Variants in DPH6 observed in about 807,000 individuals in gnomAD.
The protein encoded by DPH6 is diphthine--ammonia ligase.
In DPH6, 33 loss-of-function variants were observed where a neutral mutation model predicts 38.2. The observed-to-expected ratio is 0.86, with a 90% CI of 0.65 to 1.15. The LOEUF (loss-of-function observed/expected upper bound fraction) is 1.15, where lower values mean the gene tolerates loss of function less well. DPH6 is among the 50% of genes most tolerant of loss of function. The pLI is 0.00. For synonymous variants in DPH6, 108 were observed against 103.0 expected, an observed-to-expected ratio of 1.05 and a Z score of -0.30; for missense variants, 325 against 320.0, an observed-to-expected ratio of 1.02 and a Z score of -0.12.
At chr15:35,337,661 C>G (rs2052384338) in intron 3 of DPH6, among the ~76,000 whole-genome samples, 1 of 152,230 alleles carries the variant, frequency 6.6e-6, no homozygotes, top group African/African-American at 2.4e-5. Context: ...TGACTTTCTT[C>G]ACAGAATTGG....
downstream of DPH6, among the ~76,000 whole-genome samples, chr15:35,366,768 A>G (rs958721200): frequency 1.6e-4 from 25 of 151,966 alleles, no homozygotes; most frequent in African/African-American, 6.0e-4. Context: ...CCATAACATC[A>G]GTTCAGGTTA....
At chr15:35,491,721 A>G (rs538008837) in intron 3 of DPH6, among the ~76,000 whole-genome samples, 1 of 82,198 alleles carries the variant, frequency 1.2e-5, no homozygotes, top group Admixed American at 1.5e-4. Context: ...ATATATGTAG[A>G]TGTATATATC....
chr15:35,467,038 A>C (rs1447082400), intron 3 of DPH6, among the ~76,000 whole-genome samples: 1 of 151,920 alleles, frequency 6.6e-6, no homozygotes, highest in Admixed American at 6.5e-5. Flanking sequence ...TTTTAGCTGC[A>C]CTAAATTTAT....
At chr15:35,526,028 C>A (rs1158243066) in intron 3 of DPH6, among the ~76,000 whole-genome samples, 1 of 151,998 alleles carries the variant, frequency 6.6e-6, no homozygotes, top group Admixed American at 6.6e-5. Context: ...GGATATATGA[C>A]CACTGAAAAT....
rs111481052 is a variant in DPH6, at chr15:35,311,082, A to AC, written n.200+62438_200+62439insG. On this transcript the variant is annotated intron_variant and non_coding_transcript_variant, in intron 3 of 3. Coordinates refer to the DPH6 transcript ENST00000560386. ...CTCAAAAACAACAACAACAACAACA[A>AC]AAAAAAAAACCCAAAAAAACCAGAT... Among the ~76,000 whole-genome samples the AC allele has an allele frequency of 3.9e-3, 573 of 148,184 alleles. 8 individuals are homozygous for AC. Among genetic ancestry groups the AC allele is most frequent in the African/African-American group, 0.012 (484 of 40,120 alleles).
intron 3 of DPH6, among the ~76,000 whole-genome samples, chr15:35,236,900 T>C (rs761742365): frequency 3.3e-5 from 5 of 152,192 alleles, no homozygotes; most frequent in African/African-American, 7.2e-5. Flanking sequence ...ACACTTTTAA[T>C]GTATTCTGTT....
chr15:35,437,749 C>T (rs975642914), intron 5 of DPH6, among the ~76,000 whole-genome samples: 3 of 152,208 alleles, frequency 2.0e-5, no homozygotes, highest in African/African-American at 7.2e-5. Flanking sequence ...GGCCAGCAAA[C>T]CAGTCAGTGG....
chr15:35,219,603 T>A (rs148761069), exon 4 of DPH6: 6 of 152,196 alleles, frequency 3.9e-5, no homozygotes, highest in Non-Finnish European at 7.4e-5. Context: ...TTTAGATTCA[T>A]AATGAGAAAT....
In DPH6 at chr15:35,509,594, T is replaced by C. The variant is rs553409485; in HGVS notation, c.312+28680A>G. Among the ~76,000 whole-genome samples, 5 of 152,290 alleles carry C rather than the reference T, an allele frequency of 3.3e-5. No individual in the cohort carries two copies. The East Asian group carries it at 5.8e-4, about 18-fold the overall frequency. On this transcript the variant is annotated intron_variant, in intron 3 of 8. Coordinates refer to ENST00000256538, the MANE Select transcript of DPH6 (RefSeq NM_080650.4). ...TGGCAAAACATAAGCTTTTTAAATG[T>C]AGGCTGACTAAAGAAAGGGCAATCT...
chr15:35,382,657 A>G (rs563231867), intron 6 of DPH6, among the ~76,000 whole-genome samples: 95 of 152,274 alleles, frequency 6.2e-4, no homozygotes, highest in African/African-American at 2.2e-3. Context: ...AAAAAGCAAT[A>G]TAAGGCCTTT....
chr15:35,483,047 GAATAT>G (rs1407283250), intron 3 of DPH6, among the ~76,000 whole-genome samples: 2 of 151,864 alleles, frequency 1.3e-5, no homozygotes, highest in Non-Finnish European at 2.9e-5. Flanking sequence ...AACCGAATAA[GAATAT>G]AAATCACTAA....
chr15:35,167,470 CATTCATA>C, the DPH6 span, among the ~76,000 whole-genome samples: 1 of 151,242 alleles, frequency 6.6e-6, no homozygotes, highest in Non-Finnish European at 1.5e-5. Flanking sequence ...AAAAGAACCG[CATTCATA>C]GAGCTAGAAA....
the DPH6 span, among the ~76,000 whole-genome samples, chr15:35,161,568 T>C: frequency 6.6e-6 from 1 of 151,928 alleles, no homozygotes; most frequent in African/African-American, 2.4e-5. Context: ...TCCAATGTGA[T>C]GGTATTTGGA....
intron 3 of DPH6, chr15:35,519,967 T>C (rs368897234): frequency 1.3e-5 from 2 of 151,880 alleles, no homozygotes; most frequent in South Asian, 2.1e-4. Context: ...TTTCCCTTTG[T>C]AGTGCTTTCA....
intron 3 of DPH6, among the ~76,000 whole-genome samples, chr15:35,305,353 C>A (rs1159964762): frequency 2.3e-5 from 3 of 131,494 alleles, no homozygotes; most frequent in Non-Finnish European, 3.2e-5. Flanking sequence ...GAATGTTGAG[C>A]TATTTTTCAT....
chr15:35,530,789 C>T (rs2055075105), intron 3 of DPH6, among the ~76,000 whole-genome samples: 1 of 152,198 alleles, frequency 6.6e-6, no homozygotes, highest in South Asian at 2.1e-4. Flanking sequence ...TCATGTACTT[C>T]CTCATGCACG....
the DPH6 span, among the ~76,000 whole-genome samples, chr15:35,191,860 C>T: frequency 2.0e-5 from 3 of 152,188 alleles, no homozygotes; most frequent in African/African-American, 7.2e-5. Flanking sequence ...CTAATTCCTT[C>T]CTACATGTAG....
chr15:35,225,806 T>C (rs992618239), intron 3 of DPH6, among the ~76,000 whole-genome samples: 6 of 152,362 alleles, frequency 3.9e-5, no homozygotes, highest in African/African-American at 7.2e-5. Flanking sequence ...ATTTGAAAAT[T>C]TGACTTTTCT....
intron 3 of DPH6, among the ~76,000 whole-genome samples, chr15:35,480,019 CTGA>C (rs1281395927): frequency 1.3e-5 from 2 of 151,578 alleles, no homozygotes; most frequent in Non-Finnish European, 2.9e-5. Context: ...GTGTATCTTT[CTGA>C]GTAGTGAAAA....
Sources: gnomAD v4.1 joint callset for allele counts (sites outside exome capture counted in the v4.1 genomes callset) on GRCh38, gnomAD v4.1.1 for gene constraint, MANE v1.5 for transcripts, NCBI Gene and HGNC (gene_info 2026-07-23, HGNC 2026-07-21) for gene names.